The following SLC2A9 variants were observed in gnomAD, a reference collection of about 807,000 sequenced individuals.
SLC2A9 encodes the protein solute carrier family 2, facilitated glucose transporter member 9.
In SLC2A9, 39 loss-of-function variants were observed where a neutral mutation model predicts 50.6. The observed-to-expected ratio is 0.77, with a 90% confidence interval of 0.60 to 1.01. The LOEUF (loss-of-function observed/expected upper bound fraction) is 1.01, where lower values mean the gene tolerates loss of function less well. Ranked by LOEUF, SLC2A9 falls within the 50% of genes least tolerant of loss-of-function variation. SLC2A9 has a pLI of 0.00. For synonymous variants in SLC2A9, 324 were observed against 276.9 expected, an observed-to-expected ratio of 1.17 and a Z score of -1.69; for missense variants, 686 against 677.6, an observed-to-expected ratio of 1.01 and a Z score of -0.14.
intron 3 of SLC2A9, among the ~76,000 whole-genome samples, chr4:9,802,908 A>C (rs923057387): frequency 6.6e-6 from 1 of 152,108 alleles, no homozygotes; most frequent in Non-Finnish European, 1.5e-5. Flanking sequence ...AATATTTCCC[A>C]ATTGTACTCT....
At chr4:10,023,118 C>G (rs576177381), upstream of SLC2A9, among the ~76,000 whole-genome samples, 1 of 152,354 alleles carries the variant, frequency 6.6e-6, no homozygotes, top group African/African-American at 2.4e-5. Flanking sequence ...CCACATCAAT[C>G]TCAGCTGGAT....
At chr4:9,794,950 T>C (rs575858948), downstream of SLC2A9, among the ~76,000 whole-genome samples, 24 of 150,110 alleles carry the variant, frequency 1.6e-4, no homozygotes, top group Non-Finnish European at 3.0e-4. Context: ...CAACACTGAG[T>C]GACTGCTGAA....
chr4:9,942,155 A>G, intron 5 of SLC2A9, 110 bp from the exon 6 acceptor site: 3 of 1,336,818 alleles, frequency 2.2e-6, no homozygotes, highest in East Asian at 2.4e-5. Flanking sequence ...CCTGCCCAGC[A>G]TGATCCCCAG....
Position 9,941,935 on chromosome 4 carries a change from G to T in SLC2A9, c.792C>A (p.His264Gln). ...DSPRYLLLEKHNEARAVKAFQ... is the reference protein window; with the variant it reads ...DSPRYLLLEKQNEARAVKAFQ... Reference sequence around the variant, plus strand: ...CACCTTTCACAGCTCTTGCCTCGTTGTGCTTCTCCAAGAGCAGGTAGCGTG... The same window carrying T: ...CACCTTTCACAGCTCTTGCCTCGTTTTGCTTCTCCAAGAGCAGGTAGCGTG... The change falls in exon 6 of 12, where the codon CAC (histidine) becomes CAA (glutamine). Residue 264 changes from histidine to glutamine, a missense_variant. Coordinates refer to ENST00000264784, the MANE Select transcript of SLC2A9 (RefSeq NM_020041.3). The T allele has an allele frequency of 1.9e-6, 3 of 1,614,160 alleles. No homozygotes were observed. The highest frequency in any genetic ancestry group is 2.5e-6 in the Non-Finnish European group (3 of 1,180,006).
chr4:9,831,218 C>A (rs962334092), intron 11 of SLC2A9, among the ~76,000 whole-genome samples: 2 of 152,064 alleles, frequency 1.3e-5, no homozygotes, highest in African/African-American at 4.8e-5. Context: ...AACTGCGTCC[C>A]TCCTGAAATT....
Position 9,982,209 on chromosome 4 carries a change from C to G in SLC2A9, c.536-1472G>C, listed in dbSNP as rs975132940. Among the ~76,000 whole-genome samples, 4 of 152,292 alleles carry G rather than the reference C, an allele frequency of 2.6e-5. No homozygotes were observed. The East Asian group carries it at 5.8e-4, about 22-fold the overall frequency. ...TTTAAATTCTTTATTACAAACAGAT[C>G]GGCCAGTTCAGGTAATAGCAGCAAT... On this transcript the variant is annotated intron_variant, in intron 4 of 11. Transcript: ENST00000264784.
At chr4:9,960,073 T>C (rs150005048) in intron 5 of SLC2A9, among the ~76,000 whole-genome samples, 1 of 118,746 alleles carries the variant, frequency 8.4e-6, no homozygotes, top group Non-Finnish European at 1.7e-5. Context: ...CAGTGGGCAT[T>C]ACTTGGAAAA....
At chr4:9,896,574 C>G (rs1738598547) in intron 8 of SLC2A9, among the ~76,000 whole-genome samples, 1 of 152,156 alleles carries the variant, frequency 6.6e-6, no homozygotes, top group Non-Finnish European at 1.5e-5. Context: ...CTTAACAATA[C>G]CTTTTAAATA....
At chr4:9,814,767 T>A (rs372756112) in intron 3 of SLC2A9, among the ~76,000 whole-genome samples, 95 of 152,034 alleles carry the variant, frequency 6.2e-4, no homozygotes, top group African/African-American at 2.2e-3. Context: ...AAGGTGTTTA[T>A]CAACTTCTGC....
At position 9,832,377 on chromosome 4, in the gene SLC2A9, C is replaced by T. The variant is rs183407777; in HGVS notation, c.1419+2504G>A. Among the ~76,000 whole-genome samples, 429 of 152,254 alleles carry T rather than the reference C, an allele frequency of 2.8e-3. 6 individuals carry two copies. The highest frequency in any genetic ancestry group is 0.01 in the African/African-American group (419 of 41,544). On this transcript the variant is annotated intron_variant, in intron 11 of 11. Coordinates refer to ENST00000264784, the MANE Select transcript of SLC2A9 (RefSeq NM_020041.3). ...GCTCCTCTCCGGAAAGGAAATTAAC[C>T]GTGGGTGCCTTCCCAGGCTTGGGTC...
intron 3 of SLC2A9, chr4:9,783,119 G>A (rs1299906574): frequency 1.9e-6 from 3 of 1,614,102 alleles, no homozygotes; most frequent in African/African-American, 2.7e-5. Flanking sequence ...CTTCAACGCC[G>A]ACTTTCAGAA....
rs374655552 is a variant in SLC2A9 at position 9,960,371 on chromosome 4, TC to T, written c.682-18327del. On this transcript the variant is annotated intron_variant, in intron 5 of 11. Coordinates refer to ENST00000264784, the MANE Select transcript of SLC2A9 (RefSeq NM_020041.3). The stretch of plus-strand genomic sequence containing the variant: ...AAGTTAATACAAAATGCTGCCTAAC[TC>T]TCCCCATCAAATACCTAAGTTGGTG... Among the ~76,000 whole-genome samples the T allele has an allele frequency of 3.2e-3, 480 of 152,276 alleles. 2 individuals are homozygous for T. Among genetic ancestry groups the T allele is most frequent in the African/African-American group, 0.011 (464 of 41,546 alleles).
chr4:9,941,831 C>T, intron 6 of SLC2A9, 82 bp downstream of exon 6: 8 of 1,591,490 alleles, frequency 5.0e-6, no homozygotes, highest in Non-Finnish European at 6.9e-6. Flanking sequence ...CTTCCTGTGC[C>T]CATTGGCCCA....
At chr4:9,987,922 A>C (rs1757017104) in intron 3 of SLC2A9, among the ~76,000 whole-genome samples, 1 of 152,244 alleles carries the variant, frequency 6.6e-6, no homozygotes, top group Non-Finnish European at 1.5e-5. Flanking sequence ...GTAGAAAGTG[A>C]AAGTTGAGAA....
At chr4:9,824,617 C>G (rs949715167), downstream of SLC2A9, among the ~76,000 whole-genome samples, 1 of 152,136 alleles carries the variant, frequency 6.6e-6, no homozygotes, top group Non-Finnish European at 1.5e-5. Flanking sequence ...ACAGTTAATG[C>G]TTTGATTTTC....
At chr4:9,835,319 C>A (rs1209886443) in intron 10 of SLC2A9, among the ~76,000 whole-genome samples, 1 of 152,142 alleles carries the variant, frequency 6.6e-6, no homozygotes, top group Non-Finnish European at 1.5e-5. Context: ...AGGTCTATAC[C>A]CTTCCTTTCC....
At chr4:9,789,190 G>T (rs1219372228) in intron 3 of SLC2A9, among the ~76,000 whole-genome samples, 3 of 152,092 alleles carry the variant, frequency 2.0e-5, no homozygotes, top group African/African-American at 7.2e-5. Flanking sequence ...TAATGTTCTA[G>T]TTCATGAGAC....
chr4:9,807,798 C>T (rs992788444), intron 3 of SLC2A9, among the ~76,000 whole-genome samples: 1 of 152,148 alleles, frequency 6.6e-6, no homozygotes, highest in African/African-American at 2.4e-5. Flanking sequence ...GACGGTTTCT[C>T]TAAGGAGAGA....
chr4:9,966,552 C>T (rs563096859), intron 5 of SLC2A9, among the ~76,000 whole-genome samples: 5 of 152,040 alleles, frequency 3.3e-5, no homozygotes, highest in South Asian at 2.1e-4. Context: ...GCTACTCGAG[C>T]GGCTGAGGCA....
Sources: gnomAD v4.1 joint callset for allele counts (sites outside exome capture counted in the v4.1 genomes callset) on GRCh38, gnomAD v4.1.1 for gene constraint, MANE v1.5 for transcripts, NCBI Gene and HGNC (gene_info 2026-07-23, HGNC 2026-07-21) for gene names.